The following HTRA1 variants were observed in gnomAD, a reference collection of about 807,000 sequenced individuals.
HTRA1 encodes the protein serine protease HTRA1.
Under a neutral mutation model 49.7 loss-of-function variants are expected in HTRA1, and 26 were observed. The observed-to-expected ratio is 0.52, with a 90% CI of 0.38 to 0.73. The LOEUF (loss-of-function observed/expected upper bound fraction) is 0.73, where lower values mean the gene tolerates loss of function less well. Among genes scored for constraint, HTRA1 ranks in the 30% least tolerant of loss-of-function variants. The pLI is 0.00. For missense variants in HTRA1, 561 were observed against 667.2 expected, an observed-to-expected ratio of 0.84 and a Z score of 1.75; for synonymous variants, 291 against 286.9, an observed-to-expected ratio of 1.01 and a Z score of -0.14.
intron 1 of HTRA1, among the ~76,000 whole-genome samples, chr10:122,463,196 T>C (rs1376530235): frequency 6.6e-6 from 1 of 152,218 alleles, no homozygotes; most frequent in Non-Finnish European, 1.5e-5. Context: ...GTCTAGAGTT[T>C]ACTTTATAGG....
rs533110353 is a variant in HTRA1 at position 122,500,190 on chromosome 10, A to G, written c.778-6501A>G. Among the ~76,000 whole-genome samples, 22 of 152,334 alleles carry G rather than the reference A, an allele frequency of 1.4e-4. No individual in the cohort carries two copies. In the East Asian group the frequency reaches 4.3e-3, roughly 29 times the overall value. ...GGGTCATTGCTTTTCACAGTCCTCT[A>G]TGAAAGATTACTGGCCAAGCCAGCA... On this transcript the variant is annotated intron_variant, in intron 3 of 8. Transcript: ENST00000368984.
At position 122,514,398 on chromosome 10, in the gene HTRA1, C is replaced by T. The variant is rs767401076; in HGVS notation, c.*39C>T. On this transcript the variant is annotated 3_prime_UTR_variant, in exon 9 of 9. Transcript: ENST00000368984. ...CTGGACTTCATGTTTCCCTCAAAGACTCTCCCGTGGATGACGGATGAGGAC... is the reference window on the plus strand; with the variant it reads ...CTGGACTTCATGTTTCCCTCAAAGATTCTCCCGTGGATGACGGATGAGGAC... 1 of 1,600,592 alleles carries T rather than the reference C, an allele frequency of 6.2e-7. No individual in the cohort carries two copies. The highest frequency in any genetic ancestry group is 8.6e-7 in the Non-Finnish European group (1 of 1,167,862).
chr10:122,476,057 C>A (rs1203004626), intron 1 of HTRA1, among the ~76,000 whole-genome samples: 1 of 152,218 alleles, frequency 6.6e-6, no homozygotes, highest in African/African-American at 2.4e-5. Context: ...GGCAACCCCT[C>A]TTGCAGACAG....
chr10:122,471,925 T>G (rs1430231999), intron 1 of HTRA1, among the ~76,000 whole-genome samples: 1 of 152,144 alleles, frequency 6.6e-6, no homozygotes. Flanking sequence ...TCTCCCTACT[T>G]CTCCCTAAAA....
At chr10:122,495,403 G>A (rs1469420818) in intron 3 of HTRA1, among the ~76,000 whole-genome samples, 3 of 152,086 alleles carry the variant, frequency 2.0e-5, no homozygotes, top group African/African-American at 4.8e-5. Context: ...TTAGGGGGAC[G>A]GGAATCAATA....
At position 122,487,575 on chromosome 10, in the gene HTRA1, C is replaced by A. The variant is rs111707708; in HGVS notation, c.473-1327C>A. Among the ~76,000 whole-genome samples the A allele has an allele frequency of 7.0e-4, 107 of 152,334 alleles. No individual in the cohort carries two copies. The South Asian group carries it at 7.5e-3, about 11-fold the overall frequency. ...AAAGTAGCTTTGGAAACGCCCACCA[C>A]GTGGGGCCACTCACTGTAATATAAA... On this transcript the variant is annotated intron_variant, in intron 1 of 8. Coordinates refer to ENST00000368984, the MANE Select transcript of HTRA1 (RefSeq NM_002775.5). This position sits in a 1 kb window ranked among gnomAD's most constrained non-coding sequence, Gnocchi z 4.8.
At chr10:122,481,526 C>A (rs936074794) in intron 1 of HTRA1, among the ~76,000 whole-genome samples, 1 of 152,216 alleles carries the variant, frequency 6.6e-6, no homozygotes, top group African/African-American at 2.4e-5. Context: ...GGGCTCCACG[C>A]TGAAGCTTTG....
chr10:122,508,067 G>A lies in HTRA1; in HGVS notation c.1006-589G>A, dbSNP rs186244654. Among the ~76,000 whole-genome samples the A allele has an allele frequency of 1.5e-4, 23 of 150,848 alleles. No homozygotes were observed. In the East Asian group the frequency reaches 4.5e-3, roughly 30 times the overall value. ...AGGCCCAGTGTGATGGCACCTCCTA[G>A]ATGGTGCCTTGGCATCAGGTACTGA... is the stretch of plus-strand genomic sequence containing the variant. On this transcript the variant is annotated intron_variant, in intron 5 of 8. Transcript: ENST00000368984.
At chr10:122,508,481 G>A (rs547384534) in intron 5 of HTRA1, among the ~76,000 whole-genome samples, 175 bp from the exon 6 acceptor site, 47 of 152,344 alleles carry the variant, frequency 3.1e-4, no homozygotes, top group African/African-American at 1.1e-3. Flanking sequence ...CGTGGCTCGC[G>A]CTGCCTGGGT....
intron 1 of HTRA1, among the ~76,000 whole-genome samples, chr10:122,476,595 C>T (rs2097488578): frequency 6.6e-6 from 1 of 152,326 alleles, no homozygotes; most frequent in East Asian, 1.9e-4. Context: ...TGCCACCCAG[C>T]GACTGGCCGT....
intron 3 of HTRA1, among the ~76,000 whole-genome samples, chr10:122,492,791 G>A (rs2097496565): frequency 6.6e-6 from 1 of 152,036 alleles, no homozygotes; most frequent in African/African-American, 2.4e-5. Context: ...CATCAGTCAT[G>A]GTGTCCTACC....
intron 5 of HTRA1, 92 bp from the exon 6 acceptor site, chr10:122,508,564 C>A: frequency 1.2e-6 from 1 of 868,564 alleles, no homozygotes; most frequent in East Asian, 2.4e-5. Context: ...TCTGAAATAG[C>A]TCAGGGACTT....
chr10:122,476,105 A>G (rs917575059), intron 1 of HTRA1, among the ~76,000 whole-genome samples: 1 of 152,152 alleles, frequency 6.6e-6, no homozygotes, highest in South Asian at 2.1e-4. Context: ...CTCACTGGCC[A>G]TTAGGAACCT....
At chr10:122,466,335 T>G (rs1054590528) in intron 1 of HTRA1, among the ~76,000 whole-genome samples, 1 of 152,088 alleles carries the variant, frequency 6.6e-6, no homozygotes, top group Non-Finnish European at 1.5e-5. Context: ...CCAGCTAATT[T>G]TTTTGTATTT....
chr10:122,514,409 A>G lies in HTRA1; in HGVS notation c.*50A>G, dbSNP rs1169292988. 1.3e-6 allele frequency: 2 copies of G among 1,581,072 alleles called. No homozygotes were observed. The highest frequency in any genetic ancestry group is 1.7e-6 in the Non-Finnish European group (2 of 1,150,362). ...GTTTCCCTCAAAGACTCTCCCGTGG[A>G]TGACGGATGAGGACTCTGGGCTGCT... On this transcript the variant is annotated 3_prime_UTR_variant, in exon 9 of 9. Coordinates refer to ENST00000368984, the MANE Select transcript of HTRA1 (RefSeq NM_002775.5).
At chr10:122,513,680 A>G (rs1358388561) in intron 8 of HTRA1, among the ~76,000 whole-genome samples, 1 of 151,568 alleles carries the variant, frequency 6.6e-6, no homozygotes, top group Non-Finnish European at 1.5e-5. Flanking sequence ...ACATTATTAA[A>G]AAAAAAAACC....
chr10:122,486,191 G>A (rs1481877650), intron 1 of HTRA1, among the ~76,000 whole-genome samples: 1 of 152,074 alleles, frequency 6.6e-6, no homozygotes, highest in Non-Finnish European at 1.5e-5. Context: ...AGAAACTTCA[G>A]TGTCCATGGA....
chr10:122,463,506 C>T (rs944737468), intron 1 of HTRA1, among the ~76,000 whole-genome samples: 4 of 151,616 alleles, frequency 2.6e-5, no homozygotes, highest in African/African-American at 7.3e-5. Context: ...CTCTCTCTCT[C>T]TTTTTTTTTC....
rs1053815083 is a variant in HTRA1, at chr10:122,487,718, C to T, written c.473-1184C>T. 1.3e-5 allele frequency among the ~76,000 whole-genome samples: 2 copies of T among 152,166 alleles called. No homozygotes were observed. Among genetic ancestry groups the T allele is most frequent in the Non-Finnish European group, 2.9e-5 (2 of 68,038 alleles). Reference sequence around the variant, plus strand: ...GCAAACCTAGATGGCAGAGCCCACTCCACACCTAGGCCAGATGGCAGAGCC... The same window carrying T: ...GCAAACCTAGATGGCAGAGCCCACTTCACACCTAGGCCAGATGGCAGAGCC... On this transcript the variant is annotated intron_variant, in intron 1 of 8. Transcript: ENST00000368984. The surrounding 1 kb of genome is among the most constrained non-coding windows in gnomAD (Gnocchi z 4.8).
Sources: gnomAD v4.1 joint callset for allele counts (sites outside exome capture counted in the v4.1 genomes callset) on GRCh38, gnomAD v4.1.1 for gene constraint, Gnocchi (gnomAD v3.1) non-coding constraint, MANE v1.5 for transcripts, NCBI Gene and HGNC (gene_info 2026-07-23, HGNC 2026-07-21) for gene names.